DPP6: variants seen among roughly 807,000 people sequenced by gnomAD.
DPP6 encodes dipeptidyl peptidase like 6.
A neutral mutation model predicts 122.6 loss-of-function variants in DPP6; 69 were observed. That is an observed-to-expected ratio of 0.56 (90% CI 0.46 to 0.69). The LOEUF (loss-of-function observed/expected upper bound fraction) is 0.69, where lower values mean the gene tolerates loss of function less well. Ranked by LOEUF, DPP6 falls within the 30% of genes least tolerant of loss-of-function variation. The pLI is 0.00. For synonymous variants in DPP6, 418 were observed against 433.1 expected (o/e 0.97, Z 0.43); for missense variants, 928 against 1,116.9 (o/e 0.83, Z 2.41).
chr7:154,752,525 G>A (rs1309918475), intron 8 of DPP6, among the ~76,000 whole-genome samples: 1 of 152,186 alleles, frequency 6.6e-6, no homozygotes, highest in Non-Finnish European at 1.5e-5. Flanking sequence ...CTGCACACTG[G>A]AAGAACGTAA....
At chr7:154,868,162 C>T in intron 18 of DPP6, 69 bp downstream of exon 18, 1 of 1,529,760 alleles carries the variant, frequency 6.5e-7, no homozygotes, top group South Asian at 1.2e-5. Context: ...ACAGTGCAGT[C>T]ATCAGCAGCA....
intron 1 of DPP6, among the ~76,000 whole-genome samples, chr7:154,262,310 G>A (rs1469323621): frequency 6.6e-6 from 1 of 152,106 alleles, no homozygotes; most frequent in Non-Finnish European, 1.5e-5. Context: ...TCTGCAAATC[G>A]GGCCTTTAAA....
chr7:154,439,913 C>T (rs748914289), intron 1 of DPP6, among the ~76,000 whole-genome samples: 10 of 152,054 alleles, frequency 6.6e-5, no homozygotes, highest in Non-Finnish European at 1.2e-4. Flanking sequence ...GTCCATGAGG[C>T]GCATACGGAA....
chr7:154,407,944 T>G (rs1331112615), intron 1 of DPP6, among the ~76,000 whole-genome samples: 1 of 152,250 alleles, frequency 6.6e-6, no homozygotes, highest in Non-Finnish European at 1.5e-5. Flanking sequence ...GTGCAAGATA[T>G]TTAACTTTGG....
intron 1 of DPP6, among the ~76,000 whole-genome samples, chr7:153,904,646 C>T (rs1270071884): frequency 5.9e-5 from 9 of 152,204 alleles, no homozygotes; most frequent in Admixed American, 2.6e-4. Context: ...ACGTCTCATA[C>T]GCAGGCACTG....
intron 1 of DPP6, among the ~76,000 whole-genome samples, chr7:154,440,771 C>T (rs1819307706): frequency 1.3e-5 from 2 of 152,152 alleles, no homozygotes; most frequent in Non-Finnish European, 2.9e-5. Context: ...AGTGAGAAGG[C>T]CATCTGGTTG....
At chr7:154,020,604 C>T (rs1317036789) in intron 1 of DPP6, among the ~76,000 whole-genome samples, 2 of 152,156 alleles carry the variant, frequency 1.3e-5, no homozygotes, top group African/African-American at 4.8e-5. Flanking sequence ...AGCATTCTTG[C>T]CGTGCTGACT....
intron 1 of DPP6, among the ~76,000 whole-genome samples, chr7:154,400,735 AATTTTTCCATAT>A (rs1815501347): frequency 1.3e-5 from 2 of 152,210 alleles, no homozygotes. Flanking sequence ...TTTGAAACAA[AATTTTTCCATAT>A]ATTTTGTAAA....
intron 1 of DPP6, among the ~76,000 whole-genome samples, chr7:154,144,298 A>C (rs1454531096): frequency 2.7e-5 from 4 of 149,526 alleles, no homozygotes; most frequent in African/African-American, 9.7e-5. Flanking sequence ...ACTTATCTAC[A>C]TCTCTTTCTT....
intron 1 of DPP6, among the ~76,000 whole-genome samples, chr7:154,297,319 T>C (rs891911770): frequency 6.6e-6 from 1 of 152,188 alleles, no homozygotes; most frequent in Non-Finnish European, 1.5e-5. Flanking sequence ...AGGCAGCCAT[T>C]AGACAGTCTA....
chr7:154,062,290 C>G (rs1393254955), intron 1 of DPP6, among the ~76,000 whole-genome samples: 1 of 77,416 alleles, frequency 1.3e-5, no homozygotes, highest in African/African-American at 5.6e-5. Context: ...GCCAGTCCCT[C>G]TTCCCCCCCG....
intron 7 of DPP6, among the ~76,000 whole-genome samples, chr7:154,697,126 GT>G (rs1840263206): frequency 6.6e-6 from 1 of 152,204 alleles, no homozygotes; most frequent in Non-Finnish European, 1.5e-5. Flanking sequence ...CCCAGGTGCT[GT>G]TTGTAGGTCA....
rs138055831 is a variant in DPP6 at position 154,670,240 on chromosome 7, G to A, written c.762+799G>A. 1.0e-3 allele frequency among the ~76,000 whole-genome samples: 156 copies of A among 152,294 alleles called. 1 individual carries two copies. Among genetic ancestry groups the A allele is most frequent in the Middle Eastern group, 6.8e-3 (2 of 294 alleles). On this transcript the variant is annotated intron_variant, in intron 7 of 25. Coordinates refer to ENST00000377770, the MANE Select transcript of DPP6 (RefSeq NM_130797.4). Reference sequence around the variant, plus strand: ...GTCCCGTCAACATGCAAAACCCCCCGTGGTCATTGCAGCCTTCTCGGTTTC... The same window carrying A: ...GTCCCGTCAACATGCAAAACCCCCCATGGTCATTGCAGCCTTCTCGGTTTC...
intron 18 of DPP6, among the ~76,000 whole-genome samples, chr7:154,870,145 TC>T (rs1161931890): frequency 1.7e-5 from 2 of 120,492 alleles, no homozygotes; most frequent in Admixed American, 8.3e-5. Context: ...CCCAACTAAT[TC>T]TTTTTTTTTT....
At chr7:154,564,629 CAT>C (rs1370784335) in intron 4 of DPP6, among the ~76,000 whole-genome samples, 1 of 152,180 alleles carries the variant, frequency 6.6e-6, no homozygotes, top group Non-Finnish European at 1.5e-5. Context: ...TCAACAAAGA[CAT>C]AGATTGGGAT....
rs892728050 is a variant in DPP6, at chr7:154,039,264, A to G, written c.51+151530A>G. Reference sequence around the variant, plus strand: ...CTTGATGTCCTAGCTTCCCAGGTACATTGCCAGTTTACAGGAAAATATGCC... The same window carrying G: ...CTTGATGTCCTAGCTTCCCAGGTACGTTGCCAGTTTACAGGAAAATATGCC... On this transcript the variant is annotated intron_variant, in intron 1 of 25. Coordinates refer to the DPP6 transcript ENST00000404039. 1.4e-4 allele frequency among the ~76,000 whole-genome samples: 21 copies of G among 146,680 alleles called. 3 individuals carry two copies. The highest frequency in any genetic ancestry group is 5.7e-4 in the African/African-American group (21 of 36,680).
intron 8 of DPP6, among the ~76,000 whole-genome samples, chr7:154,768,751 AG>A (rs1321147457): frequency 6.6e-6 from 1 of 152,220 alleles, no homozygotes; most frequent in East Asian, 1.9e-4. Context: ...GAAGCCCAAA[AG>A]AATCAGTCTT....
At chr7:154,414,326 A>C (rs1816846853) in intron 1 of DPP6, among the ~76,000 whole-genome samples, 1 of 152,196 alleles carries the variant, frequency 6.6e-6, no homozygotes, top group Non-Finnish European at 1.5e-5. Flanking sequence ...GGTTTAATTT[A>C]AATTAAAAAG....
chr7:154,317,216 G>A (rs890563664), intron 1 of DPP6, among the ~76,000 whole-genome samples: 19 of 152,242 alleles, frequency 1.2e-4, no homozygotes, highest in African/African-American at 4.3e-4. Flanking sequence ...TGGACAGAAA[G>A]CCAGGTGTGG....
Sources: gnomAD v4.1 joint callset for allele counts (sites outside exome capture counted in the v4.1 genomes callset) on GRCh38, gnomAD v4.1.1 for gene constraint, MANE v1.5 for transcripts, NCBI Gene and HGNC (gene_info 2026-07-23, HGNC 2026-07-21) for gene names.